ZNF385D: variants seen among roughly 807,000 people sequenced by gnomAD.
ZNF385D encodes the protein zinc finger protein 659.
ZNF385D carries 15 observed loss-of-function variants against 35.8 expected under a neutral mutation model. The observed-to-expected ratio is 0.42, with a 90% CI of 0.28 to 0.64. ZNF385D has a LOEUF of 0.64. ZNF385D is among the 30% of genes least tolerant of loss of function. ZNF385D has a pLI of 0.23. For synonymous variants in ZNF385D, 212 were observed against 186.8 expected (o/e 1.13, Z -1.10); for missense variants, 474 against 494.6 (o/e 0.96, Z 0.39).
At chr3:21,443,102 G>A (rs764881382) in intron 4 of ZNF385D, 69 of 982,168 alleles carry the variant, frequency 7.0e-5, no homozygotes, top group East Asian at 1.1e-4. Flanking sequence ...TGCTTTAAAC[G>A]GCCTAGAAAT....
chr3:21,746,337 A>G (rs1021750300), intron 1 of ZNF385D, among the ~76,000 whole-genome samples: 6 of 152,346 alleles, frequency 3.9e-5, no homozygotes, highest in Non-Finnish European at 7.3e-5. Context: ...AAATTTAAGG[A>G]TGTGATAAGG....
chr3:21,463,653 C>T (rs531191870), intron 4 of ZNF385D, among the ~76,000 whole-genome samples: 2 of 152,206 alleles, frequency 1.3e-5, no homozygotes, highest in African/African-American at 2.4e-5. Context: ...TAGTCTTGTC[C>T]GCTGATGCCT....
At chr3:21,925,320 T>C (rs1476559808) in intron 3 of ZNF385D, among the ~76,000 whole-genome samples, 1 of 152,070 alleles carries the variant, frequency 6.6e-6, no homozygotes, top group African/African-American at 2.4e-5. Context: ...TGAAGCTGAA[T>C]CCACAGACAG....
At chr3:21,564,551 T>C (rs2063074279) in intron 3 of ZNF385D, 23 bp downstream of exon 3, 1 of 1,395,180 alleles carries the variant, frequency 7.2e-7, no homozygotes, top group East Asian at 2.5e-5. Context: ...TTTTTTTAAG[T>C]GAACACTAAA....
rs565896243 is a variant in ZNF385D, at chr3:21,717,016, C to T, written c.22+33879G>A. ...AGTGTGGTGATGTGCGCCTGTAGTC[C>T]CAGCTACTCAGGAGTCTGAGGCAGG... On this transcript the variant is annotated intron_variant, in intron 1 of 7. Coordinates refer to ENST00000281523, the MANE Select transcript of ZNF385D (RefSeq NM_024697.3). 1.6e-4 allele frequency among the ~76,000 whole-genome samples: 24 copies of T among 152,068 alleles called. No individual in the cohort carries two copies. The South Asian group carries it at 5.0e-3, about 32-fold the overall frequency.
intron 3 of ZNF385D, among the ~76,000 whole-genome samples, chr3:22,117,682 T>G (rs1042913345): frequency 6.6e-6 from 1 of 151,996 alleles, no homozygotes; most frequent in Non-Finnish European, 1.5e-5. Context: ...AATTTCTAAC[T>G]TGATCAACAT....
chr3:22,200,410 G>C (rs573763758), intron 2 of ZNF385D, among the ~76,000 whole-genome samples: 3 of 152,038 alleles, frequency 2.0e-5, no homozygotes, highest in African/African-American at 7.2e-5. Flanking sequence ...GTTTTTATTA[G>C]GGAGTTTCAA....
chr3:22,074,770 T>C (rs1700386333), intron 3 of ZNF385D, among the ~76,000 whole-genome samples: 1 of 151,950 alleles, frequency 6.6e-6, no homozygotes. Flanking sequence ...TGTTCCATCA[T>C]CACTTTCCCT....
At position 22,094,395 on chromosome 3, in the gene ZNF385D, T is replaced by TATATCAACAATATATATTGTTG. The variant is rs1701498655; in HGVS notation, c.325+74421_325+74422insCAACAATATATATTGTTGATAT. Among the ~76,000 whole-genome samples the TATATCAACAATATATATTGTTG allele has an allele frequency of 2.2e-5, 3 of 136,314 alleles. 1 individual carries two copies. Among genetic ancestry groups the TATATCAACAATATATATTGTTG allele is most frequent in the Admixed American group, 7.3e-5 (1 of 13,678 alleles). 89.4% of individuals were successfully genotyped at this position (136,314 alleles called of 152,430 possible). A position where few individuals can be genotyped will look rare whatever the true frequency, so the allele number is the denominator to read the frequency against. On this transcript the variant is annotated intron_variant, in intron 3 of 5. Transcript: ENST00000494108. The stretch of plus-strand genomic sequence containing the variant: ...CTGTCATTTATTGTTGATATATATA[T>TATATCAACAATATATATTGTTG]ATATATATATATATAAAGGCATTTG...
chr3:21,580,848 T>A (rs1465004644), intron 2 of ZNF385D, among the ~76,000 whole-genome samples: 2 of 152,152 alleles, frequency 1.3e-5, no homozygotes, highest in Non-Finnish European at 2.9e-5. Flanking sequence ...CTGTGCTGAT[T>A]TATGTAACCA....
intron 3 of ZNF385D, among the ~76,000 whole-genome samples, chr3:21,928,315 G>A (rs1466152135): frequency 2.0e-5 from 3 of 147,270 alleles, no homozygotes; most frequent in Non-Finnish European, 4.5e-5. Context: ...GAAGGTAGGA[G>A]GGAGGAAGGA....
At chr3:22,348,029 T>G (rs1322151744) in intron 2 of ZNF385D, among the ~76,000 whole-genome samples, 1 of 152,176 alleles carries the variant, frequency 6.6e-6, no homozygotes, top group Non-Finnish European at 1.5e-5. Flanking sequence ...AATTGCAGCA[T>G]GTATAAAATC....
At chr3:21,495,515 G>A (rs1705767805) in intron 4 of ZNF385D, among the ~76,000 whole-genome samples, 1 of 151,988 alleles carries the variant, frequency 6.6e-6, no homozygotes. Context: ...TGAGTGCAAA[G>A]GTACAACATA....
chr3:21,559,402 T>C (rs2062859493), intron 3 of ZNF385D, among the ~76,000 whole-genome samples: 1 of 152,208 alleles, frequency 6.6e-6, no homozygotes, highest in Non-Finnish European at 1.5e-5. Flanking sequence ...AGGATTTTAT[T>C]TCTCCTTCAC....
chr3:21,457,965 T>C (rs372165732), intron 4 of ZNF385D, among the ~76,000 whole-genome samples: 21 of 152,152 alleles, frequency 1.4e-4, no homozygotes, highest in African/African-American at 4.6e-4. Flanking sequence ...TTATCATTAT[T>C]ATTCTGCTAG....
intron 3 of ZNF385D, among the ~76,000 whole-genome samples, chr3:21,814,717 C>A (rs1456412033): frequency 6.6e-6 from 1 of 152,172 alleles, no homozygotes; most frequent in African/African-American, 2.4e-5. Context: ...GACTTAGACT[C>A]CCACAAAATA....
At chr3:21,850,511 T>A (rs1696316499) in intron 3 of ZNF385D, among the ~76,000 whole-genome samples, 1 of 152,074 alleles carries the variant, frequency 6.6e-6, no homozygotes, top group Non-Finnish European at 1.5e-5. Flanking sequence ...GGGATTTACT[T>A]AGATAAAATG....
At chr3:22,104,006 A>G (rs1702076088) in intron 3 of ZNF385D, among the ~76,000 whole-genome samples, 1 of 152,190 alleles carries the variant, frequency 6.6e-6, no homozygotes, top group Non-Finnish European at 1.5e-5. Context: ...TATTACATGT[A>G]CAATATACAA....
intron 2 of ZNF385D, among the ~76,000 whole-genome samples, chr3:21,587,099 A>G (rs2063834416): frequency 6.6e-6 from 1 of 152,212 alleles, no homozygotes; most frequent in African/African-American, 2.4e-5. Flanking sequence ...TCTGGAAGAG[A>G]TGAAAGTGGC....
Sources: gnomAD v4.1 joint callset for allele counts (sites outside exome capture counted in the v4.1 genomes callset) on GRCh38, gnomAD v4.1.1 for gene constraint, MANE v1.5 for transcripts, NCBI Gene and HGNC (gene_info 2026-07-23, HGNC 2026-07-21) for gene names.